The following HRH4 variants were observed in gnomAD, a reference collection of about 807,000 sequenced individuals.
HRH4 encodes histamine receptor H4.
Under a neutral mutation model 10.4 loss-of-function variants are expected in HRH4, and 12 were observed. The ratio of observed to expected loss-of-function variants is 1.15; its 90% CI spans 0.74 to 1.87. The LOEUF (loss-of-function observed/expected upper bound fraction) is 1.87. Ranked by LOEUF, HRH4 falls within the 40% of genes most tolerant of loss-of-function variation. The probability of loss-of-function intolerance (pLI) is 0.00; values close to 1 mark genes in which losing one functional copy is unlikely to be tolerated. For missense variants in HRH4, 415 were observed against 453.3 expected (o/e 0.92, Z 0.77); for synonymous variants, 154 against 166.6 (o/e 0.92, Z 0.58).
chr18:24,477,701 CA>C lies in HRH4; in HGVS notation c.*140del. On this transcript the variant is annotated 3_prime_UTR_variant, in exon 3 of 3. Coordinates refer to ENST00000256906, the MANE Select transcript of HRH4 (RefSeq NM_021624.4). ...GGTAAATTACTCCAGTGAATAATAG[CA>C]GTATAATATGACTTGATAATATTTT... The C allele has an allele frequency of 3.5e-6, 2 of 576,270 alleles. No individual in the cohort carries two copies. Among genetic ancestry groups the C allele is most frequent in the Middle Eastern group, 4.6e-4 (1 of 2,196 alleles). The allele number at this position is 576,270 out of a possible 1,614,324, so 35.7% of individuals were successfully genotyped here.
In HRH4 at chr18:24,471,461, G is replaced by C. The variant is rs112048023; in HGVS notation, c.357+2510G>C. ...CTCTACTAAAAATACAAAAAAATTAGCCAGGCATGGTGGCGCTTGCCTGTA... is the reference window on the plus strand; with the variant it reads ...CTCTACTAAAAATACAAAAAAATTACCCAGGCATGGTGGCGCTTGCCTGTA... On this transcript the variant is annotated intron_variant, in intron 2 of 2. Transcript: ENST00000256906. Among the ~76,000 whole-genome samples the C allele has an allele frequency of 2.8e-3, 421 of 151,744 alleles. 3 individuals carry two copies. The highest frequency in any genetic ancestry group is 9.8e-3 in the African/African-American group (406 of 41,388).
chr18:24,464,039 CAG>C (rs1200716913), intron 1 of HRH4, among the ~76,000 whole-genome samples: 10 of 152,138 alleles, frequency 6.6e-5, no homozygotes, highest in Admixed American at 6.5e-4. Flanking sequence ...TTGCTGCTAT[CAG>C]AGCCTGAACC....
At chr18:24,471,606 C>CAAAAAAAAAA (rs60730879) in intron 2 of HRH4, among the ~76,000 whole-genome samples, 3 of 51,394 alleles carry the variant, frequency 5.8e-5, no homozygotes, top group African/African-American at 1.8e-4. Flanking sequence ...GACTCCATCT[C>CAAAAAAAAAA]AAAAAAAAAA....
rs1453994349 is a variant in HRH4, at chr18:24,468,698, T to G, written c.194-90T>G. On this transcript the variant is annotated intron_variant, in intron 1 of 2. Transcript: ENST00000256906. Reference sequence around the variant, plus strand: ...ACAAATCATTTGTAGTGAATTCAGATAGGTCATTGTGTTGTGTAGCCATTA... The same window carrying G: ...ACAAATCATTTGTAGTGAATTCAGAGAGGTCATTGTGTTGTGTAGCCATTA... 3 of 1,119,924 alleles carry G rather than the reference T, an allele frequency of 2.7e-6. No homozygotes were observed. The African/African-American group carries it at 4.8e-5, about 18-fold the overall frequency. The allele number at this position is 1,119,924 out of a possible 1,614,324, so 69.4% of individuals were successfully genotyped here. A position where few individuals can be genotyped will look rare whatever the true frequency, so the allele number is the denominator to read the frequency against.
chr18:24,476,000 C>G (rs1910122925), intron 2 of HRH4, among the ~76,000 whole-genome samples: 1 of 152,084 alleles, frequency 6.6e-6, no homozygotes, highest in South Asian at 2.1e-4. Flanking sequence ...AAGCGTGAAA[C>G]TGTCTCAAAC....
intron 1 of HRH4, among the ~76,000 whole-genome samples, chr18:24,468,531 A>C (rs1039683663): frequency 6.6e-6 from 1 of 152,220 alleles, no homozygotes; most frequent in Admixed American, 6.5e-5. Context: ...TGGTTGGTTG[A>C]ATCCACAGAT....
chr18:24,464,085 C>T (rs1277126802), intron 1 of HRH4, among the ~76,000 whole-genome samples: 6 of 152,160 alleles, frequency 3.9e-5, no homozygotes, highest in Non-Finnish European at 8.8e-5. Context: ...ATCTTGATAC[C>T]TGTATGCCTG....
chr18:24,462,801 A>T (rs1165972355), intron 1 of HRH4, among the ~76,000 whole-genome samples: 1 of 152,216 alleles, frequency 6.6e-6, no homozygotes, highest in African/African-American at 2.4e-5. Flanking sequence ...CCCTTCAGGT[A>T]ACCAACATTT....
intron 2 of HRH4, among the ~76,000 whole-genome samples, chr18:24,471,117 A>G (rs889956112): frequency 2.6e-5 from 4 of 151,904 alleles, no homozygotes; most frequent in South Asian, 4.2e-4. Context: ...CCTCCTTAAC[A>G]TCGCATACTT....
chr18:24,468,585 AC>A (rs942603194), intron 1 of HRH4, among the ~76,000 whole-genome samples: 1 of 152,116 alleles, frequency 6.6e-6, no homozygotes, highest in Non-Finnish European at 1.5e-5. Flanking sequence ...AATGTTCATG[AC>A]CCCTCTTCTA....
intron 2 of HRH4, among the ~76,000 whole-genome samples, chr18:24,476,400 C>T (rs1164527456): frequency 6.6e-6 from 1 of 152,232 alleles, no homozygotes; most frequent in African/African-American, 2.4e-5. Flanking sequence ...GAAGATTGAG[C>T]AATACTGTGG....
chr18:24,466,555 C>G (rs1909782219), intron 1 of HRH4, among the ~76,000 whole-genome samples: 1 of 152,070 alleles, frequency 6.6e-6, no homozygotes, highest in Non-Finnish European at 1.5e-5. Flanking sequence ...CATATAAGAA[C>G]TGACCACGCA....
At chr18:24,476,702 C>T in intron 2 of HRH4, 45 bp from the exon 3 acceptor site, 1 of 1,406,116 alleles carries the variant, frequency 7.1e-7, no homozygotes, top group Non-Finnish European at 9.9e-7. Context: ...TTTATGCATT[C>T]AACATACACA....
rs1910161918 is a variant in HRH4 at position 24,477,114 on chromosome 18, C to G, written c.725C>G (p.Thr242Arg). 1.2e-6 allele frequency: 2 copies of G among 1,614,214 alleles called. No homozygotes were observed. Among genetic ancestry groups the G allele is most frequent in the Non-Finnish European group, 8.5e-7 (1 of 1,180,030 alleles). The change falls in exon 3 of 3, where the codon ACA becomes AGA. Residue 242 changes from threonine to arginine, a missense_variant. Thr to Arg is a moderately conservative substitution (Grantham distance 71, BLOSUM62 -1). Transcript: ENST00000256906. The stretch of plus-strand genomic sequence containing the variant: ...TCAAGGAGATCTCTTTCTGCATCGA[C>G]AGAAGTTCCTGCATCCTTTCATTCA... The part of the protein sequence containing the change: ...LSSRRSLSAS[T>R]EVPASFHSER...
At chr18:24,474,432 T>A (rs1910074566) in intron 2 of HRH4, among the ~76,000 whole-genome samples, 1 of 152,154 alleles carries the variant, frequency 6.6e-6, no homozygotes, top group African/African-American at 2.4e-5. Flanking sequence ...TTAACTAGCT[T>A]TCTTTTACCT....
intron 1 of HRH4, among the ~76,000 whole-genome samples, chr18:24,465,593 GTAGAAACACTTCAGAGTAGGTATAT>G (rs1221265547): frequency 6.6e-6 from 1 of 152,174 alleles, no homozygotes; most frequent in African/African-American, 2.4e-5. Flanking sequence ...AATCGAAGGT[GTAGAAACACTTCAGAGTAGGTATAT>G]TAGAGAAATA....
chr18:24,468,714 G>A lies in HRH4; in HGVS notation c.194-74G>A, dbSNP rs1180762317. Reference sequence around the variant, plus strand: ...GAATTCAGATAGGTCATTGTGTTGTGTAGCCATTAAAACATGCACATTTGT... The same window carrying A: ...GAATTCAGATAGGTCATTGTGTTGTATAGCCATTAAAACATGCACATTTGT... On this transcript the variant is annotated intron_variant, in intron 1 of 2. Coordinates refer to ENST00000256906, the MANE Select transcript of HRH4 (RefSeq NM_021624.4). 4 of 1,294,368 alleles carry A rather than the reference G, an allele frequency of 3.1e-6. No homozygotes were observed. In the African/African-American group the frequency reaches 4.5e-5, roughly 14 times the overall value. 80.2% of individuals were successfully genotyped at this position (1,294,368 alleles called of 1,614,324 possible). A position where few individuals can be genotyped will look rare whatever the true frequency, so the allele number is the denominator to read the frequency against.
At chr18:24,467,138 C>T (rs1461412277) in intron 1 of HRH4, among the ~76,000 whole-genome samples, 1 of 152,204 alleles carries the variant, frequency 6.6e-6, no homozygotes, top group Non-Finnish European at 1.5e-5. Flanking sequence ...GTTAACTCAG[C>T]ATGGTCCCTT....
intron 2 of HRH4, among the ~76,000 whole-genome samples, chr18:24,469,860 C>T (rs915165638): frequency 3.3e-5 from 5 of 152,042 alleles, no homozygotes; most frequent in Non-Finnish European, 7.4e-5. Context: ...ATTTTGTCAC[C>T]CGGGGAATGA....
Sources: gnomAD v4.1 joint callset for allele counts (sites outside exome capture counted in the v4.1 genomes callset) on GRCh38, gnomAD v4.1.1 for gene constraint, MANE v1.5 for transcripts, NCBI Gene and HGNC (gene_info 2026-07-23, HGNC 2026-07-21) for gene names.